ARHGEF7: variants seen among roughly 807,000 people sequenced by gnomAD.
ARHGEF7 encodes Rho guanine nucleotide exchange factor 7, also known as PAK-interacting exchange factor beta.
Under a neutral mutation model 109.8 loss-of-function variants are expected in ARHGEF7, and 33 were observed. That is an observed-to-expected ratio of 0.30 (90% CI 0.23 to 0.40). The LOEUF (loss-of-function observed/expected upper bound fraction) is 0.40, where lower values mean the gene tolerates loss of function less well. Among genes scored for constraint, ARHGEF7 ranks in the 10% least tolerant of loss-of-function variants. ARHGEF7 has a pLI of 1.00. For missense variants in ARHGEF7, 938 were observed against 1,098.5 expected (o/e 0.85, Z 2.07); for synonymous variants, 458 against 424.6 (o/e 1.08, Z -0.97).
intron 5 of ARHGEF7, among the ~76,000 whole-genome samples, chr13:111,221,210 T>G (rs1395282336): frequency 0.011 from 715 of 62,756 alleles, 19 homozygotes; most frequent in Middle Eastern, 0.017. Flanking sequence ...TATATAGATA[T>G]ATATGTCTAT....
At chr13:111,148,761 T>G (rs1342628923) in intron 1 of ARHGEF7, among the ~76,000 whole-genome samples, 1 of 152,210 alleles carries the variant, frequency 6.6e-6, no homozygotes, top group Non-Finnish European at 1.5e-5. Flanking sequence ...TCAATGACTT[T>G]AACGACTGAA....
At position 111,303,967 on chromosome 13, in the gene ARHGEF7, C is replaced by T. The variant is rs1319303533; in HGVS notation, c.*854C>T. The stretch of plus-strand genomic sequence containing the variant: ...TGTCTTCCCTCAAAGAGAGATCTTA[C>T]TAGAACCTGTAAATAGAATGTATTA... On this transcript the variant is annotated 3_prime_UTR_variant, in exon 22 of 22. Coordinates refer to ENST00000646102, the MANE Select transcript of ARHGEF7 (RefSeq NM_001354046.2). 10 of 152,218 alleles carry T rather than the reference C, an allele frequency of 6.6e-5. No individual in the cohort carries two copies. The highest frequency in any genetic ancestry group is 2.4e-4 in the African/African-American group (10 of 41,442). 9.4% of individuals were successfully genotyped at this position (152,218 alleles called of 1,614,324 possible). A position where few individuals can be genotyped will look rare whatever the true frequency, so the allele number is the denominator to read the frequency against.
chr13:111,275,706 G>A (rs140586090), intron 12 of ARHGEF7, 28 bp downstream of exon 12: 2 of 1,613,734 alleles, frequency 1.2e-6, no homozygotes, highest in East Asian at 4.5e-5. Flanking sequence ...CACGCACCAG[G>A]GTTTCTGTCC....
At chr13:111,170,440 A>G (rs1398831878) in intron 2 of ARHGEF7, among the ~76,000 whole-genome samples, 1 of 152,194 alleles carries the variant, frequency 6.6e-6, no homozygotes, top group Admixed American at 6.5e-5. Flanking sequence ...TGGACGTCAG[A>G]ATTGCTCTTC....
chr13:111,275,773 T>G, intron 12 of ARHGEF7, 95 bp downstream of exon 12: 1 of 1,468,928 alleles, frequency 6.8e-7, no homozygotes, highest in African/African-American at 1.4e-5. Flanking sequence ...ATGAAAAATG[T>G]CTAATAGAAG....
In ARHGEF7 at chr13:111,287,400, C is replaced by A. The variant is rs535559934; in HGVS notation, c.2045-954C>A. Among the ~76,000 whole-genome samples the A allele has an allele frequency of 5.1e-4, 77 of 152,328 alleles. No individual in the cohort carries two copies. In the East Asian group the frequency reaches 6.6e-3, roughly 13 times the overall value. On this transcript the variant is annotated intron_variant, in intron 17 of 21. Coordinates refer to ENST00000646102, the MANE Select transcript of ARHGEF7 (RefSeq NM_001354046.2). ...GGCAGCACTGAGCTGGGCCGGGGGC[C>A]GGCTGCAGCTGAGACCATCGTTCAT...
At chr13:111,124,371 G>A (rs2067417714) in intron 1 of ARHGEF7, among the ~76,000 whole-genome samples, 1 of 152,268 alleles carries the variant, frequency 6.6e-6, no homozygotes, top group Non-Finnish European at 1.5e-5. Flanking sequence ...ATGCCCAGAA[G>A]TCTGAACCTG....
At chr13:111,147,490 T>G (rs1354465936) in intron 1 of ARHGEF7, among the ~76,000 whole-genome samples, 2 of 152,206 alleles carry the variant, frequency 1.3e-5, no homozygotes, top group Non-Finnish European at 2.9e-5. Context: ...GTATAGCTTC[T>G]TCAGCGAAAT....
At chr13:111,146,082 G>T (rs1480019639) in intron 1 of ARHGEF7, among the ~76,000 whole-genome samples, 1 of 152,190 alleles carries the variant, frequency 6.6e-6, no homozygotes, top group East Asian at 1.9e-4. Flanking sequence ...CAGCCGTGTT[G>T]TAGGTCTAGC....
At chr13:111,158,395 A>C (rs573870587) in intron 2 of ARHGEF7, among the ~76,000 whole-genome samples, 2 of 152,380 alleles carry the variant, frequency 1.3e-5, no homozygotes, top group African/African-American at 4.8e-5. Context: ...CTTTCTTGTC[A>C]TAGACCATTT....
chr13:111,165,314 G>GT (rs2077039422), intron 2 of ARHGEF7, among the ~76,000 whole-genome samples: 1 of 152,198 alleles, frequency 6.6e-6, no homozygotes, highest in Non-Finnish European at 1.5e-5. Flanking sequence ...AGATCCCTTA[G>GT]TAGATGTTCA....
intron 19 of ARHGEF7, 61 bp downstream of exon 19, chr13:111,292,355 CA>C (rs2093315831): frequency 6.2e-7 from 1 of 1,601,066 alleles, no homozygotes; most frequent in African/African-American, 1.3e-5. Context: ...CTTTTCTTAA[CA>C]AATGCTTGTT....
At chr13:111,115,904 C>A (rs1466442122) in intron 1 of ARHGEF7, among the ~76,000 whole-genome samples, 1 of 97,584 alleles carries the variant, frequency 1.0e-5, no homozygotes, top group Non-Finnish European at 2.2e-5. Flanking sequence ...GGAGCGGGGT[C>A]GGGGGGAGGG....
At chr13:111,171,499 A>G (rs1057098582) in intron 2 of ARHGEF7, among the ~76,000 whole-genome samples, 1 of 152,256 alleles carries the variant, frequency 6.6e-6, no homozygotes, top group Non-Finnish European at 1.5e-5. Flanking sequence ...GCTCCAGGTT[A>G]CATGCTTGAA....
At chr13:111,184,119 G>A (rs890446100) in intron 2 of ARHGEF7, among the ~76,000 whole-genome samples, 2 of 152,130 alleles carry the variant, frequency 1.3e-5, no homozygotes, top group African/African-American at 4.8e-5. Flanking sequence ...TCATGATCGT[G>A]AATTAGTTCT....
rs1416599409 is a variant in ARHGEF7 at position 111,277,813 on chromosome 13, A to G, written c.1506+140A>G. 3 of 583,322 alleles carry G rather than the reference A, an allele frequency of 5.1e-6. No homozygotes were observed. The African/African-American group carries it at 5.6e-5, about 11-fold the overall frequency. 36.1% of individuals were successfully genotyped at this position (583,322 alleles called of 1,614,324 possible). A position where few individuals can be genotyped will look rare whatever the true frequency, so the allele number is the denominator to read the frequency against. ...GTGCTGTATATTCAGATATGGACGT[A>G]CAGCTCCTGTTTGTGTTTCGTTGTG... On this transcript the variant is annotated intron_variant, in intron 13 of 21. Coordinates refer to ENST00000646102, the MANE Select transcript of ARHGEF7 (RefSeq NM_001354046.2).
At chr13:111,121,937 G>A (rs977561242) in intron 1 of ARHGEF7, among the ~76,000 whole-genome samples, 1 of 152,212 alleles carries the variant, frequency 6.6e-6, no homozygotes, top group Non-Finnish European at 1.5e-5. Flanking sequence ...TCATTCCTCA[G>A]TACGCAGTAG....
At chr13:111,223,697 AG>A (rs1383332961) in intron 5 of ARHGEF7, among the ~76,000 whole-genome samples, 1 of 152,236 alleles carries the variant, frequency 6.6e-6, no homozygotes, top group African/African-American at 2.4e-5. Context: ...AAAATGTTCT[AG>A]GATTCTGTAA....
chr13:111,281,387 A>G (rs537953621), intron 15 of ARHGEF7, among the ~76,000 whole-genome samples: 5 of 152,078 alleles, frequency 3.3e-5, no homozygotes, highest in Admixed American at 6.5e-5. Context: ...TTTTCTGCTT[A>G]CAGATTTCCT....
Sources: gnomAD v4.1 joint callset for allele counts (sites outside exome capture counted in the v4.1 genomes callset) on GRCh38, gnomAD v4.1.1 for gene constraint, MANE v1.5 for transcripts, NCBI Gene and HGNC (gene_info 2026-07-23, HGNC 2026-07-21) for gene names.